The following NAALADL2 variants were observed in gnomAD, a reference collection of about 807,000 sequenced individuals.
NAALADL2 encodes the protein N-acetylated alpha-linked acidic dipeptidase like 2, also known as inactive N-acetylated-alpha-linked acidic dipeptidase-like protein 2.
A neutral mutation model predicts 87.2 loss-of-function variants in NAALADL2; 76 were observed. The observed-to-expected ratio is 0.87, with a 90% CI of 0.72 to 1.05. The LOEUF is 1.05. NAALADL2 is among the 50% of genes least tolerant of loss of function. The pLI, the probability that NAALADL2 is intolerant of heterozygous loss-of-function variation, is 0.00. For synonymous variants in NAALADL2, 354 were observed against 331.0 expected, an observed-to-expected ratio of 1.07 and a Z score of -0.75; for missense variants, 1,089 against 945.8, an observed-to-expected ratio of 1.15 and a Z score of -1.99.
intron 9 of NAALADL2, among the ~76,000 whole-genome samples, chr3:175,542,145 T>C (rs6797470): frequency 0.64 from 97,639 of 152,016 alleles, 32,634 homozygotes; most frequent in East Asian, 0.87. Context: ...GTGTAATGGC[T>C]TTGAATGAAA....
At chr3:174,497,249 T>C (rs909634344) in intron 1 of NAALADL2, among the ~76,000 whole-genome samples, 1 of 152,144 alleles carries the variant, frequency 6.6e-6, no homozygotes, top group Admixed American at 6.6e-5. Flanking sequence ...CTTGTGTCAC[T>C]GGGGTCAGAG....
intron 11 of NAALADL2, among the ~76,000 whole-genome samples, chr3:175,691,270 T>TAC (rs1315116702): frequency 1.3e-5 from 2 of 150,834 alleles, no homozygotes; most frequent in Non-Finnish European, 3.0e-5. Flanking sequence ...TATATATATA[T>TAC]ACACACAGAT....
At chr3:174,799,755 A>G (rs1244547254) in intron 3 of NAALADL2, among the ~76,000 whole-genome samples, 2 of 152,178 alleles carry the variant, frequency 1.3e-5, no homozygotes, top group Non-Finnish European at 2.9e-5. Flanking sequence ...GGCTGAGAAG[A>G]AGACAGGAAA....
intron 11 of NAALADL2, among the ~76,000 whole-genome samples, chr3:175,717,231 C>T (rs1268512203): frequency 1.3e-5 from 2 of 152,188 alleles, no homozygotes; most frequent in Admixed American, 6.5e-5. Context: ...AGGCATGGCG[C>T]AGCCACATTA....
intron 1 of NAALADL2, among the ~76,000 whole-genome samples, chr3:174,886,820 T>C (rs1455600188): frequency 3.3e-5 from 5 of 152,234 alleles, no homozygotes; most frequent in African/African-American, 7.2e-5. Context: ...GGGTTCCAGC[T>C]GACACTGAGC....
chr3:174,540,249 C>T (rs1046131826), intron 1 of NAALADL2, among the ~76,000 whole-genome samples: 4 of 152,096 alleles, frequency 2.6e-5, no homozygotes, highest in Non-Finnish European at 5.9e-5. Context: ...GTGAGCTAGG[C>T]GTCAGTGAAG....
At chr3:174,520,334 AAAAGAG>A (rs1398175440) in intron 1 of NAALADL2, among the ~76,000 whole-genome samples, 1 of 152,190 alleles carries the variant, frequency 6.6e-6, no homozygotes, top group African/African-American at 2.4e-5. Flanking sequence ...TATAGTAACT[AAAAGAG>A]AATAGTACTG....
intron 1 of NAALADL2, among the ~76,000 whole-genome samples, chr3:174,880,983 A>G (rs964731927): frequency 2.0e-5 from 3 of 152,094 alleles, no homozygotes; most frequent in African/African-American, 7.2e-5. Flanking sequence ...CTGTCTTCAC[A>G]TGACCTTCCT....
chr3:174,831,527 T>C (rs2109371513), intron 3 of NAALADL2, among the ~76,000 whole-genome samples: 1 of 147,376 alleles, frequency 6.8e-6, no homozygotes. Context: ...TTATTGAGGA[T>C]TTTTGCATCA....
intron 2 of NAALADL2, among the ~76,000 whole-genome samples, chr3:174,673,058 C>T (rs758226973): frequency 1.4e-4 from 21 of 151,686 alleles, no homozygotes; most frequent in African/African-American, 5.1e-4. Flanking sequence ...TCTAAGTTGA[C>T]GTGATGTGTT....
Position 175,717,373 on chromosome 3 carries a change from A to AT in NAALADL2, c.1897-19927dup, listed in dbSNP as rs1278141315. The stretch of plus-strand genomic sequence containing the variant: ...ATTCAGCCTTAGAACAAGTCACAAG[A>AT]TTTTTTGTTTTTTTAAATCAAAAAA... On this transcript the variant is annotated intron_variant, in intron 11 of 13. Transcript: ENST00000454872. 4.6e-5 allele frequency among the ~76,000 whole-genome samples: 7 copies of AT among 152,064 alleles called. No individual in the cohort carries two copies. In the East Asian group the frequency reaches 9.6e-4, roughly 21 times the overall value.
intron 5 of NAALADL2, among the ~76,000 whole-genome samples, chr3:175,326,056 T>A (rs6780901): frequency 0.058 from 8,780 of 152,322 alleles, 746 homozygotes; most frequent in African/African-American, 0.19. Flanking sequence ...TTCATTTTAC[T>A]GTAAACAGTC....
At chr3:175,184,496 T>G (rs1737047308) in intron 2 of NAALADL2, among the ~76,000 whole-genome samples, 1 of 152,056 alleles carries the variant, frequency 6.6e-6, no homozygotes, top group East Asian at 1.9e-4. Context: ...TATCATGATC[T>G]CTTTCCTTCT....
At chr3:175,653,121 C>T (rs1261753406) in intron 11 of NAALADL2, among the ~76,000 whole-genome samples, 1 of 151,908 alleles carries the variant, frequency 6.6e-6, no homozygotes, top group African/African-American at 2.4e-5. Context: ...GTGTCATCTC[C>T]ACACTGAGTA....
chr3:175,037,833 C>A (rs1753603051), intron 1 of NAALADL2, among the ~76,000 whole-genome samples: 1 of 152,104 alleles, frequency 6.6e-6, no homozygotes, highest in Admixed American at 6.6e-5. Context: ...GCCACGGTAT[C>A]CCCATTCATG....
chr3:174,536,964 T>C (rs953111137), intron 1 of NAALADL2, among the ~76,000 whole-genome samples: 6 of 152,206 alleles, frequency 3.9e-5, no homozygotes, highest in African/African-American at 1.4e-4. Context: ...AAATAAGACA[T>C]GGCAAAGTTC....
chr3:175,281,512 A>G (rs919737205), intron 4 of NAALADL2, among the ~76,000 whole-genome samples: 4 of 151,986 alleles, frequency 2.6e-5, no homozygotes, highest in African/African-American at 9.7e-5. Context: ...TTTAAAAAAT[A>G]TTAAAACCGA....
intron 9 of NAALADL2, among the ~76,000 whole-genome samples, chr3:175,496,164 G>C (rs1015062583): frequency 1.2e-4 from 18 of 152,188 alleles, no homozygotes; most frequent in Non-Finnish European, 2.5e-4. Context: ...AATGTATTTA[G>C]ATCACAAAAT....
intron 2 of NAALADL2, among the ~76,000 whole-genome samples, chr3:175,146,933 A>C (rs1191629573): frequency 6.6e-6 from 1 of 152,164 alleles, no homozygotes; most frequent in Non-Finnish European, 1.5e-5. Flanking sequence ...AAAAATGCAT[A>C]TGATGTAAAT....
Sources: allele counts gnomAD v4.1 joint callset (sites outside exome capture counted in the v4.1 genomes callset), GRCh38; gene constraint gnomAD v4.1.1; transcripts MANE v1.5; gene names NCBI Gene and HGNC (gene_info 2026-07-23, HGNC 2026-07-21).